Variants in PCDHGA8 observed in about 807,000 individuals in gnomAD.
PCDHGA8 encodes the protein protocadherin gamma subfamily A, 8.
PCDHGA8 carries 45 observed loss-of-function variants against 59.2 expected under a neutral mutation model. That is an observed-to-expected ratio of 0.76 (90% CI 0.60 to 0.98). The LOEUF is 0.98. PCDHGA8 is among the 50% of genes least tolerant of loss of function. PCDHGA8 has a pLI of 0.00. For missense variants in PCDHGA8, 1,257 were observed against 1,196.2 expected, an observed-to-expected ratio of 1.05 and a Z score of -0.75; for synonymous variants, 531 against 519.0, an observed-to-expected ratio of 1.02 and a Z score of -0.32.
At chr5:141,478,519 G>T (rs778194073) in intron 1 of PCDHGA8, 19 of 1,610,728 alleles carry the variant, frequency 1.2e-5, no homozygotes, top group Non-Finnish European at 1.6e-5. Flanking sequence ...GGCAGGTGTT[G>T]GGTGCAGAGA....
intron 1 of PCDHGA8, among the ~76,000 whole-genome samples, chr5:141,429,880 G>A (rs1209368869): frequency 6.6e-6 from 1 of 152,104 alleles, no homozygotes; most frequent in Non-Finnish European, 1.5e-5. Context: ...CTTTTACTAA[G>A]TTTCCTGAAC....
intron 2 of PCDHGA8, 117 bp downstream of exon 2, chr5:141,494,982 G>T: frequency 1.3e-6 from 2 of 1,563,940 alleles, no homozygotes; most frequent in Non-Finnish European, 1.7e-6. Flanking sequence ...CTCAGTTTGA[G>T]ATCCCAGGGA....
At chr5:141,415,425 T>G (rs777503392) in intron 1 of PCDHGA8, 7 of 1,614,080 alleles carry the variant, frequency 4.3e-6, no homozygotes, top group African/African-American at 1.3e-5. Context: ...TGGACGGGGT[T>G]CGGGCTTTCC....
At chr5:141,430,179 A>G (rs2097264770) in intron 1 of PCDHGA8, among the ~76,000 whole-genome samples, 1 of 152,158 alleles carries the variant, frequency 6.6e-6, no homozygotes, top group Admixed American at 6.5e-5. Flanking sequence ...ATTTTCCCCA[A>G]ATTATAGCTG....
At chr5:141,403,178 T>G in intron 1 of PCDHGA8, 3 of 1,613,980 alleles carry the variant, frequency 1.9e-6, no homozygotes, top group Non-Finnish European at 2.5e-6. Context: ...GCAGCTTTTC[T>G]CTCTGAACCC....
At chr5:141,428,141 G>C (rs1314061143) in intron 1 of PCDHGA8, 2 of 1,596,500 alleles carry the variant, frequency 1.3e-6, no homozygotes, top group African/African-American at 2.7e-5. Context: ...GCCTGGGGCT[G>C]CACACGGGAA....
At chr5:141,502,932 C>T (rs1039438031) in intron 2 of PCDHGA8, among the ~76,000 whole-genome samples, 2 of 143,766 alleles carry the variant, frequency 1.4e-5, no homozygotes, top group African/African-American at 5.3e-5. Context: ...CAACCTTCAC[C>T]TCCTGGGTTC....
rs766516627 is a variant in PCDHGA8 at position 141,398,178 on chromosome 5, C to G, written c.2424+2941C>G. The G allele has an allele frequency of 8.2e-6, 12 of 1,472,146 alleles. No individual in the cohort carries two copies. The South Asian group carries it at 8.4e-5, about 10-fold the overall frequency. The allele number at this position is 1,472,146 out of a possible 1,614,324, so 91.2% of individuals were successfully genotyped here. A position where few individuals can be genotyped will look rare whatever the true frequency, so the allele number is the denominator to read the frequency against. ...GCCGGGCTGAGAGGCTGCCAGTGCT[C>G]TTTCTCTTCCTGCTGTCTTTGTTCT... On this transcript the variant is annotated intron_variant, in intron 1 of 3. Coordinates refer to ENST00000398604, the MANE Select transcript of PCDHGA8 (RefSeq NM_032088.2).
At chr5:141,405,027 A>G (rs1402992376) in intron 1 of PCDHGA8, 1 of 1,613,252 alleles carries the variant, frequency 6.2e-7, no homozygotes, top group Non-Finnish European at 8.5e-7. Context: ...CTTACCCTCT[A>G]CCTCGTTGTG....
At chr5:141,483,323 G>A (rs2099579999) in intron 1 of PCDHGA8, among the ~76,000 whole-genome samples, 1 of 152,104 alleles carries the variant, frequency 6.6e-6, no homozygotes, top group Non-Finnish European at 1.5e-5. Flanking sequence ...GGGACTGGAG[G>A]CAAAGAGATC....
intron 1 of PCDHGA8, chr5:141,413,946 G>A: frequency 6.2e-7 from 1 of 1,613,414 alleles, no homozygotes; most frequent in Non-Finnish European, 8.5e-7. Flanking sequence ...GTGTTCCTGA[G>A]AATTTGCCTG....
chr5:141,426,829 A>G, intron 1 of PCDHGA8: 2 of 456,716 alleles, frequency 4.4e-6, no homozygotes, highest in South Asian at 3.1e-5. Context: ...CTGATGATGG[A>G]CAAGACTAAA....
chr5:141,428,731 A>G (rs1290064919), intron 1 of PCDHGA8: 1 of 159,494 alleles, frequency 6.3e-6, no homozygotes, highest in Non-Finnish European at 1.4e-5. Context: ...TCTTAAACAT[A>G]TTATATCTAC....
chr5:141,476,123 C>G lies in PCDHGA8; in HGVS notation c.2425-18684C>G. Reference sequence around the variant, plus strand: ...GGAACTGCTTTTGAGTGAGATGGTCCCAGAGGCCTGGAGGAGCGGACTGGT... The same window carrying G: ...GGAACTGCTTTTGAGTGAGATGGTCGCAGAGGCCTGGAGGAGCGGACTGGT... On this transcript the variant is annotated intron_variant, in intron 1 of 3. Coordinates refer to ENST00000398604, the MANE Select transcript of PCDHGA8 (RefSeq NM_032088.2). This position sits in a 1 kb window ranked among gnomAD's most constrained non-coding sequence, Gnocchi z 7.6. 1 of 1,602,442 alleles carries G rather than the reference C, an allele frequency of 6.2e-7. No individual in the cohort carries two copies. The highest frequency in any genetic ancestry group is 8.5e-7 in the Non-Finnish European group (1 of 1,176,022).
At chr5:141,413,687 T>C (rs1470256826) in intron 1 of PCDHGA8, 1 of 1,613,784 alleles carries the variant, frequency 6.2e-7, no homozygotes, top group South Asian at 1.1e-5. Flanking sequence ...GTGAACTCCC[T>C]GCAGAGCTAT....
chr5:141,486,706 C>T lies in PCDHGA8; in HGVS notation c.2425-8101C>T. 1.2e-6 allele frequency: 2 copies of T among 1,614,154 alleles called. No homozygotes were observed. Among genetic ancestry groups the T allele is most frequent in the Admixed American group, 1.7e-5 (1 of 60,020 alleles). On this transcript the variant is annotated intron_variant, in intron 1 of 3. Transcript: ENST00000398604. This position sits in a 1 kb window ranked among gnomAD's most constrained non-coding sequence, Gnocchi z 5.0. ...CAGCTTCCTCTTTCATCTCTCTGAACCCCCAGACAGGAGCTGTTCATGCTA... is the reference window on the plus strand; with the variant it reads ...CAGCTTCCTCTTTCATCTCTCTGAATCCCCAGACAGGAGCTGTTCATGCTA...
At chr5:141,412,145 C>T (rs1335929166) in intron 1 of PCDHGA8, 1 of 152,210 alleles carries the variant, frequency 6.6e-6, no homozygotes, top group East Asian at 1.9e-4. Context: ...CTGATACAAA[C>T]TGCCTAAGAG....
chr5:141,477,301 C>T lies in PCDHGA8; in HGVS notation c.2425-17506C>T, dbSNP rs756549446. The T allele has an allele frequency of 6.2e-7, 1 of 1,614,160 alleles. No homozygotes were observed. Among genetic ancestry groups the T allele is most frequent in the East Asian group, 2.2e-5 (1 of 44,872 alleles). Reference sequence around the variant, plus strand: ...TGACCTGCGAAGTTCCACCGGGTCTCCCTTTCAGCCTTACTTCTTCCCTCA... The same window carrying T: ...TGACCTGCGAAGTTCCACCGGGTCTTCCTTTCAGCCTTACTTCTTCCCTCA... On this transcript the variant is annotated intron_variant, in intron 1 of 3. Coordinates refer to ENST00000398604, the MANE Select transcript of PCDHGA8 (RefSeq NM_032088.2). The surrounding 1 kb of genome is among the most constrained non-coding windows in gnomAD (Gnocchi z 4.9).
chr5:141,433,837 C>CAAAAAA (rs56191208), intron 1 of PCDHGA8, among the ~76,000 whole-genome samples: 2 of 111,692 alleles, frequency 1.8e-5, no homozygotes, highest in Non-Finnish European at 3.9e-5. Context: ...AACTCTATCT[C>CAAAAAA]AAAAAAAAAA....
Sources: gnomAD v4.1 joint callset for allele counts (sites outside exome capture counted in the v4.1 genomes callset) on GRCh38, gnomAD v4.1.1 for gene constraint, Gnocchi (gnomAD v3.1) non-coding constraint, MANE v1.5 for transcripts, NCBI Gene and HGNC (gene_info 2026-07-23, HGNC 2026-07-21) for gene names.